Variants in ITIH2 observed in about 807,000 individuals in gnomAD.
ITIH2 encodes the protein inter-alpha-trypsin inhibitor heavy chain H2.
Under a neutral mutation model 104.4 loss-of-function variants are expected in ITIH2, and 103 were observed. That is an observed-to-expected ratio of 0.99 (90% CI 0.84 to 1.16). ITIH2 has a LOEUF of 1.16. Among genes scored for constraint, ITIH2 ranks in the 50% most tolerant of loss-of-function variants. The pLI, the probability that ITIH2 is intolerant of heterozygous loss-of-function variation, is 0.00. For synonymous variants in ITIH2, 436 were observed against 435.4 expected, an observed-to-expected ratio of 1.00 and a Z score of -0.02; for missense variants, 1,108 against 1,162.4, an observed-to-expected ratio of 0.95 and a Z score of 0.68.
chr10:7,705,159 G>A lies in ITIH2; in HGVS notation c.136G>A (p.Val46Met), dbSNP rs769049436. Residue 46 changes from valine (V) to methionine (M), a missense_variant, in exon 2 of 21, where the codon GTG (valine) becomes ATG (methionine). Val to Met is a conservative substitution (Grantham distance 21, BLOSUM62 1). Transcript: ENST00000358415. ...VELAPGKFQL[V>M]AENRRYQRSL... is the part of the protein sequence containing the mutation. ...ACTGGCCCCAGGCAAATTTCAATTGGTGGCAGAGAACCGGAGATATCAGGT... is the reference window on the plus strand; with the variant it reads ...ACTGGCCCCAGGCAAATTTCAATTGATGGCAGAGAACCGGAGATATCAGGT... The A allele has an allele frequency of 3.7e-6, 6 of 1,612,284 alleles. No homozygotes were observed. Among genetic ancestry groups the A allele is most frequent in the Non-Finnish European group, 5.1e-6 (6 of 1,178,538 alleles).
At chr10:7,733,487 C>G (rs940393947) in intron 14 of ITIH2, among the ~76,000 whole-genome samples, 1 of 152,188 alleles carries the variant, frequency 6.6e-6, no homozygotes, top group African/African-American at 2.4e-5. Flanking sequence ...CTCCCCTATG[C>G]TCATCTATGT....
At chr10:7,713,137 A>T in intron 4 of ITIH2, 44 bp from the exon 5 acceptor site, 3 of 1,445,208 alleles carry the variant, frequency 2.1e-6, no homozygotes, top group South Asian at 2.4e-5. Flanking sequence ...AAAAAAAAAA[A>T]GATTACTATT....
rs1480022204 is a variant in ITIH2, at chr10:7,746,067, TTAAA to T, written c.2582-525_2582-522del. ...CCACACCCGGCCCCAAATCTTAAAT[TTAAA>T]AAAAAAAAAAAAAAAAAAAAAAAAA... On this transcript the variant is annotated intron_variant, in intron 19 of 20. Coordinates refer to ENST00000358415, the MANE Select transcript of ITIH2 (RefSeq NM_002216.3). 2.7e-3 allele frequency among the ~76,000 whole-genome samples: 140 copies of T among 51,102 alleles called. 3 individuals carry two copies. Among genetic ancestry groups the T allele is most frequent in the African/African-American group, 0.012 (129 of 10,976 alleles). 33.5% of individuals were successfully genotyped at this position (51,102 alleles called of 152,430 possible). A position where few individuals can be genotyped will look rare whatever the true frequency, so the allele number is the denominator to read the frequency against.
chr10:7,745,073 A>G, intron 19 of ITIH2, 110 bp downstream of exon 19: 2 of 920,042 alleles, frequency 2.2e-6, no homozygotes, highest in Non-Finnish European at 3.4e-6. Context: ...ACTCATGAGC[A>G]CAGAGGACTA....
At position 7,735,034 on chromosome 10, in the gene ITIH2, G is replaced by A; in HGVS notation, c.1900G>A (p.Ala634Thr). The A allele has an allele frequency of 6.2e-7, 1 of 1,613,392 alleles. No individual in the cohort carries two copies. The highest frequency in any genetic ancestry group is 1.1e-5 in the South Asian group (1 of 91,086). Residue 634 changes from alanine (A) to threonine (T), a missense_variant, in exon 15 of 21, where the codon GCT becomes ACT. Coordinates refer to ENST00000358415, the MANE Select transcript of ITIH2 (RefSeq NM_002216.3). The part of the protein sequence containing the change: ...PLTSLVIENE[A>T]GDERMLADAP... ...GACCTCGCTGGTGATCGAGAACGAGGCTGGGGATGAGCGCATGCTGGCGGA... is the reference window on the plus strand; with the variant it reads ...GACCTCGCTGGTGATCGAGAACGAGACTGGGGATGAGCGCATGCTGGCGGA...
chr10:7,720,380 T>C (rs924767740), intron 6 of ITIH2, among the ~76,000 whole-genome samples: 1 of 152,192 alleles, frequency 6.6e-6, no homozygotes, highest in Non-Finnish European at 1.5e-5. Flanking sequence ...GACTGTGGTT[T>C]GGTCAAGAAT....
intron 8 of ITIH2, among the ~76,000 whole-genome samples, 172 bp from the exon 9 acceptor site, chr10:7,723,279 C>T (rs1464814483): frequency 3.9e-5 from 6 of 152,008 alleles, no homozygotes; most frequent in Admixed American, 3.9e-4. Flanking sequence ...GGTCTTGACC[C>T]TCAGAGGAGA....
intron 20 of ITIH2, among the ~76,000 whole-genome samples, chr10:7,748,323 G>A (rs1483096042): frequency 1.3e-5 from 2 of 148,398 alleles, no homozygotes; most frequent in Non-Finnish European, 3.0e-5. Flanking sequence ...GCACCTCATG[G>A]TTCATAACTG....
chr10:7,720,771 G>A (rs1834894628), intron 6 of ITIH2, 85 bp from the exon 7 acceptor site: 3 of 819,110 alleles, frequency 3.7e-6, no homozygotes, highest in Non-Finnish European at 6.3e-6. Context: ...AAAAGCATCA[G>A]AGGACTTATT....
At chr10:7,723,625 C>A in intron 9 of ITIH2, 58 bp downstream of exon 9, 1 of 1,056,412 alleles carries the variant, frequency 9.5e-7, no homozygotes, top group Non-Finnish European at 1.5e-6. Context: ...TTGATCCCCT[C>A]CTAAAAATGC....
intron 14 of ITIH2, among the ~76,000 whole-genome samples, chr10:7,734,339 T>C (rs1835031990): frequency 6.6e-6 from 1 of 152,242 alleles, no homozygotes; most frequent in South Asian, 2.1e-4. Context: ...ATAGAAAATC[T>C]TGATACCTTC....
At chr10:7,709,858 C>A (rs1433099768) in intron 4 of ITIH2, among the ~76,000 whole-genome samples, 1 of 151,994 alleles carries the variant, frequency 6.6e-6, no homozygotes, top group African/African-American at 2.4e-5. Flanking sequence ...CTGAGCTTGG[C>A]TTCTTTTTTT....
rs181052116 is a variant in ITIH2 at position 7,749,229 on chromosome 10, G to A, written c.2736G>A (p.Thr912=). Reference sequence around the variant, plus strand: ...ACAGAACGGATCTAGTGTTTGGAACGGACGTTACCTGCTGGTTTGTGCACA... The same window carrying A: ...ACAGAACGGATCTAGTGTTTGGAACAGACGTTACCTGCTGGTTTGTGCACA... ...KDYRTDLVFG[T]DVTCWFVHNS... is the part of the protein sequence containing the mutation. The change falls in exon 21 of 21, where the codon ACG becomes ACA. Residue 912 remains threonine (T), a synonymous_variant. Transcript: ENST00000358415. 17 of 1,614,102 alleles carry A rather than the reference G, an allele frequency of 1.1e-5. No individual in the cohort carries two copies. In the East Asian group the frequency reaches 1.8e-4, roughly 17 times the overall value.
intron 11 of ITIH2, among the ~76,000 whole-genome samples, chr10:7,729,708 C>T (rs955797380): frequency 2.6e-5 from 4 of 152,138 alleles, no homozygotes; most frequent in African/African-American, 9.7e-5. Flanking sequence ...CTCATTGGTG[C>T]ATATTTATGT....
chr10:7,704,961 A>G (rs1196645055), intron 1 of ITIH2, 147 bp from the exon 2 acceptor site: 3 of 536,046 alleles, frequency 5.6e-6, no homozygotes, highest in Non-Finnish European at 9.8e-6. Flanking sequence ...TAGGAGAAAT[A>G]CCTGACGTAA....
chr10:7,737,125 G>C (rs982413949), intron 15 of ITIH2, among the ~76,000 whole-genome samples: 129 of 151,652 alleles, frequency 8.5e-4, no homozygotes, highest in African/African-American at 3.0e-3. Context: ...GGAGGACTCT[G>C]GGGGAGGGGA....
At chr10:7,712,034 C>T (rs1834800660) in intron 4 of ITIH2, among the ~76,000 whole-genome samples, 1 of 152,198 alleles carries the variant, frequency 6.6e-6, no homozygotes, top group South Asian at 2.1e-4. Context: ...TCCAGATAAA[C>T]ACCACCTTGG....
intron 3 of ITIH2, among the ~76,000 whole-genome samples, chr10:7,708,418 C>T (rs1271605460): frequency 6.6e-6 from 1 of 152,146 alleles, no homozygotes; most frequent in Non-Finnish European, 1.5e-5. Flanking sequence ...CATCAGAATG[C>T]CCTGTCCAAG....
Position 7,735,068 on chromosome 10 carries a change from C to G in ITIH2, c.1934C>G (p.Pro645Arg). ...GAGCGCATGCTGGCGGATGCCCCAC[C>G]GCAGGATCCCTCCTGCTGCTCAGGT... is the stretch of plus-strand genomic sequence containing the variant. ...GDERMLADAP[P>R]QDPSCCSGAL... Residue 645 changes from proline (P) to arginine (R), a missense_variant, in exon 15 of 21, where the codon CCG becomes CGG. Pro to Arg is a moderately radical substitution (Grantham distance 103). Coordinates refer to ENST00000358415, the MANE Select transcript of ITIH2 (RefSeq NM_002216.3). 1.9e-6 allele frequency: 3 copies of G among 1,610,472 alleles called. No homozygotes were observed. The highest frequency in any genetic ancestry group is 2.5e-6 in the Non-Finnish European group (3 of 1,179,744).
Sources: gnomAD v4.1 joint callset for allele counts (sites outside exome capture counted in the v4.1 genomes callset) on GRCh38, gnomAD v4.1.1 for gene constraint, MANE v1.5 for transcripts, NCBI Gene and HGNC (gene_info 2026-07-23, HGNC 2026-07-21) for gene names.